CNTFR: variants seen among roughly 807,000 people sequenced by gnomAD.
CNTFR encodes ciliary neurotrophic factor receptor subunit alpha.
Under a neutral mutation model 40.4 loss-of-function variants are expected in CNTFR, and 12 were observed. That is an observed-to-expected ratio of 0.30 (90% CI 0.19 to 0.48). CNTFR has a LOEUF of 0.48. CNTFR is among the 20% of genes least tolerant of loss of function. The pLI is 0.99. For missense variants in CNTFR, 414 were observed against 506.8 expected (o/e 0.82, Z 1.76); for synonymous variants, 202 against 209.6 (o/e 0.96, Z 0.31).
intron 7 of CNTFR, among the ~76,000 whole-genome samples, chr9:34,555,577 T>C (rs1825801166): frequency 1.3e-5 from 2 of 152,002 alleles, no homozygotes. Context: ...TCTGACCCCA[T>C]ACTGACCCTT....
chr9:34,568,228 A>G (rs1297168212), intron 3 of CNTFR: 1 of 152,276 alleles, frequency 6.6e-6, no homozygotes, highest in African/African-American at 2.4e-5. Flanking sequence ...GTAGAGGGGC[A>G]GGTGGCCAAG....
At chr9:34,578,023 C>CA (rs1049219613) in intron 2 of CNTFR, among the ~76,000 whole-genome samples, 1 of 151,656 alleles carries the variant, frequency 6.6e-6, no homozygotes, top group Non-Finnish European at 1.5e-5. Context: ...CCTGGGTCCC[C>CA]ACGCAGGCGC....
chr9:34,564,116 C>T (rs763091390), intron 4 of CNTFR, among the ~76,000 whole-genome samples: 1 of 152,156 alleles, frequency 6.6e-6, no homozygotes, highest in African/African-American at 2.4e-5. Context: ...AGTCTCCATT[C>T]GCTTCCCACT....
At chr9:34,568,348 G>A (rs1386599576) in intron 3 of CNTFR, among the ~76,000 whole-genome samples, 1 of 152,162 alleles carries the variant, frequency 6.6e-6, no homozygotes, top group African/African-American at 2.4e-5. Context: ...CAATGGCCGA[G>A]CCCTGAGCTG....
intron 2 of CNTFR, among the ~76,000 whole-genome samples, chr9:34,577,173 A>C (rs1827016530): frequency 6.6e-6 from 1 of 152,246 alleles, no homozygotes; most frequent in Non-Finnish European, 1.5e-5. Context: ...CTGTCCAGTC[A>C]GAATGGAATC....
intron 1 of CNTFR, among the ~76,000 whole-genome samples, chr9:34,588,390 A>G (rs1341484800): frequency 6.6e-6 from 1 of 152,216 alleles, no homozygotes; most frequent in Non-Finnish European, 1.5e-5. Flanking sequence ...CCCCTCGGAC[A>G]CACAGCAATT....
intron 3 of CNTFR, among the ~76,000 whole-genome samples, chr9:34,565,336 C>T (rs1231837986): frequency 6.6e-6 from 1 of 152,056 alleles, no homozygotes; most frequent in African/African-American, 2.4e-5. Flanking sequence ...CTCTTCCCCA[C>T]CCCATCCTTG....
At chr9:34,569,084 C>G (rs1826455038) in intron 2 of CNTFR, 103 bp from the exon 3 acceptor site, 1 of 1,146,420 alleles carries the variant, frequency 8.7e-7, no homozygotes, top group Admixed American at 2.0e-5. Flanking sequence ...AATCCCAGCC[C>G]TAGGGCCCTG....
intron 4 of CNTFR, among the ~76,000 whole-genome samples, chr9:34,558,766 A>C (rs1043091913): frequency 6.6e-6 from 1 of 152,128 alleles, no homozygotes; most frequent in Non-Finnish European, 1.5e-5. Flanking sequence ...AGCCCTTTAC[A>C]TGGTAAGCAG....
At chr9:34,574,869 C>A (rs1826877112) in intron 2 of CNTFR, among the ~76,000 whole-genome samples, 1 of 152,242 alleles carries the variant, frequency 6.6e-6, no homozygotes, top group Middle Eastern at 3.2e-3. Context: ...TTGGGGGAGC[C>A]TGGGGCCCTC....
chr9:34,589,941 C>G (rs1206903767), upstream of CNTFR: 1 of 152,694 alleles, frequency 6.5e-6, no homozygotes, highest in Non-Finnish European at 1.5e-5. This position sits in a 1 kb window ranked among gnomAD's most constrained non-coding sequence, Gnocchi z 4.4. Flanking sequence ...CCTTGGCACG[C>G]TCTCGCTCCT....
At chr9:34,561,530 C>T (rs186942395) in intron 4 of CNTFR, among the ~76,000 whole-genome samples, 2 of 152,208 alleles carry the variant, frequency 1.3e-5, no homozygotes, top group East Asian at 1.9e-4. Context: ...GGGCTCTGCT[C>T]GTGAGGATCC....
chr9:34,564,145 T>C (rs562394566), intron 4 of CNTFR, among the ~76,000 whole-genome samples: 37 of 152,130 alleles, frequency 2.4e-4, no homozygotes, highest in Non-Finnish European at 4.6e-4. Flanking sequence ...CCTTCCTCCT[T>C]CCCTGGGGCC....
At chr9:34,573,935 G>C (rs188287817) in intron 2 of CNTFR, among the ~76,000 whole-genome samples, 1 of 152,256 alleles carries the variant, frequency 6.6e-6, no homozygotes. Context: ...GGCAAAGACA[G>C]GGACAAGGAC....
At chr9:34,573,568 C>A (rs929755434) in intron 2 of CNTFR, among the ~76,000 whole-genome samples, 1 of 152,102 alleles carries the variant, frequency 6.6e-6, no homozygotes, top group Non-Finnish European at 1.5e-5. Flanking sequence ...CATTGCCAGG[C>A]GTCAGGGTGG....
In CNTFR at chr9:34,589,565, G is replaced by A. The variant is rs1187546577; in HGVS notation, c.-122C>T. On this transcript the variant is annotated 5_prime_UTR_variant, in exon 1 of 10. Coordinates refer to ENST00000378980, the MANE Select transcript of CNTFR (RefSeq NM_147164.3). This position sits in a 1 kb window ranked among gnomAD's most constrained non-coding sequence, Gnocchi z 4.4. The stretch of plus-strand genomic sequence containing the variant: ...CCGCAGGGTACTCACCGCGCCCTCG[G>A]GCCACCCGGGCTTCGCGCCGCGCCT... 3 of 150,666 alleles carry A rather than the reference G, an allele frequency of 2.0e-5. No individual in the cohort carries two copies. Among genetic ancestry groups the A allele is most frequent in the Non-Finnish European group, 3.0e-5 (2 of 67,540 alleles). 9.3% of individuals were successfully genotyped at this position (150,666 alleles called of 1,614,324 possible).
At chr9:34,580,742 G>GCTC (rs1248315791) in intron 2 of CNTFR, among the ~76,000 whole-genome samples, 5 of 152,164 alleles carry the variant, frequency 3.3e-5, no homozygotes, top group Non-Finnish European at 7.4e-5. Context: ...AAGCCTAGCT[G>GCTC]CTCCTCCAAT....
chr9:34,589,750 T>TTAA (rs1453444822), upstream of CNTFR: 1 of 150,276 alleles, frequency 6.7e-6, no homozygotes, highest in East Asian at 2.0e-4. This position sits in a 1 kb window ranked among gnomAD's most constrained non-coding sequence, Gnocchi z 4.4. Context: ...CTCGGCGGCT[T>TTAA]TAACCCCCCC....
intron 2 of CNTFR, chr9:34,571,324 C>T (rs1826623131): frequency 6.6e-6 from 1 of 152,414 alleles, no homozygotes; most frequent in Non-Finnish European, 1.5e-5. Flanking sequence ...CCTCTGCCAT[C>T]TGTCCATGTC....
Sources: gnomAD v4.1 joint callset for allele counts (sites outside exome capture counted in the v4.1 genomes callset) on GRCh38, gnomAD v4.1.1 for gene constraint, Gnocchi (gnomAD v3.1) non-coding constraint, MANE v1.5 for transcripts, NCBI Gene and HGNC (gene_info 2026-07-23, HGNC 2026-07-21) for gene names.